The following STAU1 variants were observed in gnomAD, a reference collection of about 807,000 sequenced individuals.
The protein encoded by STAU1 is double-stranded RNA-binding protein Staufen homolog 1.
Under a neutral mutation model 62.9 loss-of-function variants are expected in STAU1, and 13 were observed. The observed-to-expected ratio is 0.21, with a 90% confidence interval of 0.13 to 0.33. The LOEUF (loss-of-function observed/expected upper bound fraction) is 0.33, where lower values mean the gene tolerates loss of function less well. Among genes scored for constraint, STAU1 ranks in the 10% least tolerant of loss-of-function variants. The pLI is 1.00. For missense variants in STAU1, 571 were observed against 712.1 expected, an observed-to-expected ratio of 0.80 and a Z score of 2.25; for synonymous variants, 269 against 265.1, an observed-to-expected ratio of 1.01 and a Z score of -0.14.
chr20:49,208,762 G>T, the STAU1 span, among the ~76,000 whole-genome samples: 1 of 151,402 alleles, frequency 6.6e-6, no homozygotes, highest in Non-Finnish European at 1.5e-5. Context: ...TGGGACTACA[G>T]GTGCCTGTCA....
At chr20:49,137,438 T>C (rs1348572073) in intron 5 of STAU1, among the ~76,000 whole-genome samples, 1 of 152,118 alleles carries the variant, frequency 6.6e-6, no homozygotes, top group African/African-American at 2.4e-5. Flanking sequence ...TAAGAGGAAC[T>C]AGATAAGCTC....
At position 49,117,420 on chromosome 20, in the gene STAU1, G is replaced by A. The variant is rs79431867; in HGVS notation, c.1510-172C>T. On this transcript the variant is annotated intron_variant, in intron 11 of 13. Coordinates refer to ENST00000371856, the MANE Select transcript of STAU1 (RefSeq NM_017453.4). The surrounding 1 kb of genome is among the most constrained non-coding windows in gnomAD (Gnocchi z 4.6). ...AGCCCAGAACCTTCCAGGAACCTAG[G>A]TGTCTGCTCAGAAGCCCAAGACTGG... 9.2e-5 allele frequency among the ~76,000 whole-genome samples: 14 copies of A among 152,240 alleles called. No individual in the cohort carries two copies. Among genetic ancestry groups the A allele is most frequent in the African/African-American group, 3.4e-4 (14 of 41,538 alleles).
chr20:49,204,280 C>T, the STAU1 span, among the ~76,000 whole-genome samples: 2 of 151,734 alleles, frequency 1.3e-5, no homozygotes. Context: ...CTCACCACCA[C>T]ACCCTATTTT....
chr20:49,211,368 C>CTT, the STAU1 span, among the ~76,000 whole-genome samples: 30 of 138,794 alleles, frequency 2.2e-4, 2 homozygotes, highest in South Asian at 2.5e-3. Flanking sequence ...TATAGTAATT[C>CTT]TTTTTTTTTT....
chr20:49,136,611 T>G (rs1314069780), intron 5 of STAU1, among the ~76,000 whole-genome samples: 1 of 152,170 alleles, frequency 6.6e-6, no homozygotes, highest in Non-Finnish European at 1.5e-5. Context: ...AAAGTCAAAA[T>G]ACAGACAGAT....
chr20:49,183,804 C>T (rs746780367), intron 1 of STAU1, among the ~76,000 whole-genome samples: 52 of 152,138 alleles, frequency 3.4e-4, no homozygotes, highest in Admixed American at 2.1e-3. Context: ...GACTAACACA[C>T]GCTTATTGAT....
chr20:49,145,163 C>T (rs1318539204), intron 5 of STAU1, among the ~76,000 whole-genome samples: 4 of 152,206 alleles, frequency 2.6e-5, no homozygotes, highest in African/African-American at 4.8e-5. Flanking sequence ...TGGTGGCTCA[C>T]GCCTGTAATC....
the STAU1 span, among the ~76,000 whole-genome samples, chr20:49,209,939 C>T: frequency 6.6e-6 from 1 of 150,380 alleles, no homozygotes; most frequent in African/African-American, 2.5e-5. Context: ...GCCCTAGCTA[C>T]TCAGGAAGCT....
intron 6 of STAU1, among the ~76,000 whole-genome samples, chr20:49,130,022 A>G (rs1016430229): frequency 1.3e-5 from 2 of 152,206 alleles, no homozygotes; most frequent in Non-Finnish European, 2.9e-5. Context: ...ACAGATGTAT[A>G]TAAATGTTTA....
Position 49,174,272 on chromosome 20 carries a change from G to A in STAU1, c.-159-3C>T, listed in dbSNP as rs1030325090. On this transcript the variant is annotated splice_region_variant and splice_polypyrimidine_tract_variant and intron_variant, in intron 1 of 13. Transcript: ENST00000371856. ...AGAGGTTAAGTGGTTAATAAACTCT[G>A]GAAAATAAAAAATAATAATAATTTA... 1 of 152,056 alleles carries A rather than the reference G, an allele frequency of 6.6e-6. No homozygotes were observed. The highest frequency in any genetic ancestry group is 2.4e-5 in the African/African-American group (1 of 41,398). The allele number at this position is 152,056 out of a possible 1,614,324, so 9.4% of individuals were successfully genotyped here. A position where few individuals can be genotyped will look rare whatever the true frequency, so the allele number is the denominator to read the frequency against.
intron 5 of STAU1, among the ~76,000 whole-genome samples, chr20:49,149,096 C>G (rs192076148): frequency 6.6e-6 from 1 of 152,018 alleles, no homozygotes; most frequent in Non-Finnish European, 1.5e-5. Context: ...ACTAAAAATA[C>G]AAAAATTAGC....
At chr20:49,193,989 G>A in the STAU1 span, among the ~76,000 whole-genome samples, 5 of 151,478 alleles carry the variant, frequency 3.3e-5, no homozygotes, top group African/African-American at 1.2e-4. Flanking sequence ...AAAAAAAGTG[G>A]TATTTCAAAT....
At chr20:49,180,447 C>T (rs1016613079) in intron 1 of STAU1, among the ~76,000 whole-genome samples, 4 of 152,068 alleles carry the variant, frequency 2.6e-5, no homozygotes, top group Admixed American at 6.6e-5. Flanking sequence ...CCTCAGCCCC[C>T]GGGGTAGCTG....
the STAU1 span, among the ~76,000 whole-genome samples, chr20:49,209,277 C>A: frequency 6.6e-6 from 1 of 150,414 alleles, no homozygotes; most frequent in Non-Finnish European, 1.5e-5. Flanking sequence ...AGCCATGGGA[C>A]TTACCCTAGA....
chr20:49,151,831 T>G, intron 4 of STAU1, 84 bp from the exon 5 acceptor site: 1 of 1,213,014 alleles, frequency 8.2e-7, no homozygotes. Flanking sequence ...AAGTATTTCC[T>G]TCATCACGAT....
chr20:49,202,514 A>T, the STAU1 span, among the ~76,000 whole-genome samples: 1 of 151,800 alleles, frequency 6.6e-6, no homozygotes, highest in Non-Finnish European at 1.5e-5. Flanking sequence ...CAGTGAGCCA[A>T]GATCACACCA....
intron 5 of STAU1, among the ~76,000 whole-genome samples, chr20:49,142,592 G>A (rs1329121173): frequency 1.3e-5 from 2 of 152,108 alleles, no homozygotes; most frequent in Non-Finnish European, 2.9e-5. Context: ...GCCCGCTCCA[G>A]ACAACTGAAC....
the STAU1 span, among the ~76,000 whole-genome samples, chr20:49,217,518 C>T: frequency 6.6e-6 from 1 of 151,862 alleles, no homozygotes; most frequent in South Asian, 2.1e-4. Context: ...CCTTTGTATC[C>T]GGAGTTTTTC....
At chr20:49,208,391 T>C in the STAU1 span, among the ~76,000 whole-genome samples, 1 of 151,768 alleles carries the variant, frequency 6.6e-6, no homozygotes, top group Admixed American at 6.6e-5. Flanking sequence ...TTAGTAGAGA[T>C]GGGGTTTCAC....
Sources: gnomAD v4.1 joint callset for allele counts (sites outside exome capture counted in the v4.1 genomes callset) on GRCh38, gnomAD v4.1.1 for gene constraint, Gnocchi (gnomAD v3.1) non-coding constraint, MANE v1.5 for transcripts, NCBI Gene and HGNC (gene_info 2026-07-23, HGNC 2026-07-21) for gene names.